ZFYVE9: variants seen among roughly 807,000 people sequenced by gnomAD.
The protein encoded by ZFYVE9 is zinc finger FYVE-type containing 9, also known as zinc finger FYVE domain-containing protein 9.
A neutral mutation model predicts 126.7 loss-of-function variants in ZFYVE9; 43 were observed. The observed-to-expected ratio is 0.34, with a 90% CI of 0.27 to 0.44. ZFYVE9 has a LOEUF of 0.44. Ranked by LOEUF, ZFYVE9 falls within the 20% of genes least tolerant of loss-of-function variation. The pLI is 1.00. For missense variants in ZFYVE9, 1,476 were observed against 1,697.0 expected (o/e 0.87, Z 2.29); for synonymous variants, 521 against 597.4 (o/e 0.87, Z 1.87).
chr1:52,311,952 AGC>A (rs1427347495), intron 13 of ZFYVE9, among the ~76,000 whole-genome samples: 5 of 151,816 alleles, frequency 3.3e-5, no homozygotes, highest in African/African-American at 9.7e-5. Context: ...CACCATGCCC[AGC>A]TAATTTTTGT....
At chr1:52,222,865 C>T (rs923983724) in intron 2 of ZFYVE9, among the ~76,000 whole-genome samples, 9 of 152,180 alleles carry the variant, frequency 5.9e-5, no homozygotes, top group Admixed American at 5.2e-4. Flanking sequence ...ACATTAAGTC[C>T]CTTCCTAATA....
chr1:52,312,371 G>A (rs1646146685), intron 13 of ZFYVE9, among the ~76,000 whole-genome samples: 1 of 152,168 alleles, frequency 6.6e-6, no homozygotes. Context: ...AGACTCATGA[G>A]GTTATTTGGT....
intron 10 of ZFYVE9, among the ~76,000 whole-genome samples, chr1:52,290,857 G>T (rs1185390592): frequency 6.6e-6 from 1 of 152,060 alleles, no homozygotes; most frequent in Non-Finnish European, 1.5e-5. Context: ...GCATTTTATA[G>T]ATTTCCTTTC....
intron 4 of ZFYVE9, among the ~76,000 whole-genome samples, chr1:52,240,401 A>T (rs753455028): frequency 6.6e-6 from 1 of 152,172 alleles, no homozygotes; most frequent in African/African-American, 2.4e-5. Context: ...AAAGATTAAT[A>T]ACTTTTATTG....
chr1:52,154,527 C>T (rs1291727456), intron 1 of ZFYVE9, among the ~76,000 whole-genome samples: 1 of 152,178 alleles, frequency 6.6e-6, no homozygotes, highest in Non-Finnish European at 1.5e-5. Context: ...TGTTCATTGG[C>T]TCTTCTGTAT....
At chr1:52,229,058 T>C (rs1002692319) in intron 2 of ZFYVE9, among the ~76,000 whole-genome samples, 4 of 152,010 alleles carry the variant, frequency 2.6e-5, no homozygotes, top group African/African-American at 9.7e-5. Flanking sequence ...ATTTTTATTT[T>C]TGTTGATGTT....
At chr1:52,180,541 C>A (rs1341067711) in intron 1 of ZFYVE9, 2 of 674,378 alleles carry the variant, frequency 3.0e-6, no homozygotes, top group Non-Finnish European at 5.3e-6. Context: ...GACAGTGATT[C>A]TGAGGGTGAC....
At chr1:52,287,344 C>T (rs943784053) in intron 10 of ZFYVE9, among the ~76,000 whole-genome samples, 1 of 152,138 alleles carries the variant, frequency 6.6e-6, no homozygotes. Context: ...AACTCCCAAC[C>T]TCAGGTGATC....
chr1:52,260,799 AGAGCAAGACTCTAGCT>A (rs1645571727), intron 4 of ZFYVE9, among the ~76,000 whole-genome samples: 2 of 152,188 alleles, frequency 1.3e-5, no homozygotes, highest in Non-Finnish European at 2.9e-5. Context: ...CCTGGGCGAC[AGAGCAAGACTCTAGCT>A]CAAAGAAAAA....
intron 2 of ZFYVE9, among the ~76,000 whole-genome samples, chr1:52,228,893 C>CTTT (rs11438635): frequency 0.037 from 5,261 of 142,444 alleles, 231 homozygotes; most frequent in African/African-American, 0.11. Flanking sequence ...ATCTTTTTTC[C>CTTT]TTTTTTTTTT....
rs200871651 is a variant in ZFYVE9 at position 52,332,904 on chromosome 1, A to G, written c.3575A>G (p.Asn1192Ser). 134 of 1,614,024 alleles carry G rather than the reference A, an allele frequency of 8.3e-5. No individual in the cohort carries two copies. Among genetic ancestry groups the G allele is most frequent in the South Asian group, 1.4e-4 (13 of 91,078 alleles). ...CAGACCCAGGCTATCAGTATTCACAATCAGCCCAGAAAAGGTGAGCATTTG... is the reference window on the plus strand; with the variant it reads ...CAGACCCAGGCTATCAGTATTCACAGTCAGCCCAGAAAAGGTGAGCATTTG... ...NYQTQAISIH[N>S]QPRKVTGASF... The change falls in exon 14 of 19, where the codon AAT becomes AGT. Residue 1192 changes from asparagine to serine, a missense_variant. By Grantham distance (46) the Asn-to-Ser change is conservative. Around this residue, in one of 2 missense-constraint regions of ZFYVE9, gnomAD observed 669 missense variants for 902.4 expected, o/e 0.74. Coordinates refer to ENST00000287727, the MANE Select transcript of ZFYVE9 (RefSeq NM_004799.4).
intron 3 of ZFYVE9, 30 bp downstream of exon 3, chr1:52,233,306 C>T (rs775022786): frequency 4.6e-6 from 7 of 1,524,666 alleles, no homozygotes; most frequent in Non-Finnish European, 5.3e-6. Flanking sequence ...AATCTGTTTG[C>T]CTATGTGGTA....
chr1:52,266,332 C>G, intron 5 of ZFYVE9, among the ~76,000 whole-genome samples: 1 of 147,312 alleles, frequency 6.8e-6, no homozygotes. Flanking sequence ...TTCCTGACCT[C>G]GTGATCCACC....
At chr1:52,321,512 A>G (rs1646239347) in intron 13 of ZFYVE9, among the ~76,000 whole-genome samples, 1 of 152,208 alleles carries the variant, frequency 6.6e-6, no homozygotes. Context: ...AAATAAAAGA[A>G]TCCTCAAGAA....
At chr1:52,158,202 T>C (rs1449716531) in intron 1 of ZFYVE9, among the ~76,000 whole-genome samples, 1 of 152,230 alleles carries the variant, frequency 6.6e-6, no homozygotes, top group Non-Finnish European at 1.5e-5. Flanking sequence ...ATGTTCCTGC[T>C]TGCTTAAGCA....
At chr1:52,323,247 G>A (rs942752960) in intron 13 of ZFYVE9, among the ~76,000 whole-genome samples, 2 of 152,202 alleles carry the variant, frequency 1.3e-5, no homozygotes, top group Non-Finnish European at 2.9e-5. Flanking sequence ...TGGGATAAAA[G>A]CCTTTGGCTT....
At chr1:52,272,754 C>A (rs539799879) in intron 7 of ZFYVE9, among the ~76,000 whole-genome samples, 1 of 150,064 alleles carries the variant, frequency 6.7e-6, no homozygotes, top group Non-Finnish European at 1.5e-5. Context: ...ACTGCAACCT[C>A]CACCTTCCAG....
intron 10 of ZFYVE9, among the ~76,000 whole-genome samples, chr1:52,290,271 A>G (rs958072107): frequency 5.3e-5 from 8 of 152,216 alleles, no homozygotes; most frequent in Non-Finnish European, 1.0e-4. Context: ...GCATGTGTAT[A>G]AGGGAGGGCA....
At chr1:52,213,984 T>C (rs1181426150) in intron 1 of ZFYVE9, among the ~76,000 whole-genome samples, 2 of 152,166 alleles carry the variant, frequency 1.3e-5, no homozygotes, top group African/African-American at 4.8e-5. Context: ...CAGAATCCTA[T>C]GTAGCCAAGT....
Sources: allele counts gnomAD v4.1 joint callset (sites outside exome capture counted in the v4.1 genomes callset), GRCh38; gene constraint gnomAD v4.1.1; regional missense constraint gnomAD v4.1.1; transcripts MANE v1.5; gene names NCBI Gene and HGNC (gene_info 2026-07-23, HGNC 2026-07-21).